H6PD: variants seen among roughly 807,000 people sequenced by gnomAD.
The protein encoded by H6PD is GDH/6PGL endoplasmic bifunctional protein.
In H6PD, 48 loss-of-function variants were observed where a neutral mutation model predicts 61.2. The observed-to-expected ratio is 0.78, with a 90% CI of 0.62 to 1.00. The LOEUF (loss-of-function observed/expected upper bound fraction) is 1.00. H6PD is among the 50% of genes least tolerant of loss of function. H6PD has a pLI of 0.00. For synonymous variants in H6PD, 480 were observed against 457.9 expected (o/e 1.05, Z -0.62); for missense variants, 1,093 against 1,065.0 (o/e 1.03, Z -0.37).
intron 3 of H6PD, among the ~76,000 whole-genome samples, chr1:9,260,241 A>ATGTCGTTACACCAGTGCTGTTATGT (rs1641678459): frequency 5.4e-5 from 8 of 146,924 alleles, no homozygotes; most frequent in Admixed American, 4.7e-4. Flanking sequence ...CGCCAGTGTT[A>ATGTCGTTACACCAGTGCTGTTATGT]TGTCGTTACA....
Position 9,263,702 on chromosome 1 carries a change from C to T in H6PD, c.1209C>T (p.Gly403=). ...CCCGGCAGCTCGTCTTCCACATCGG[C>T]CATGGCGACCTGGGCAGCCCTGCCG... is the stretch of plus-strand genomic sequence containing the variant. ...CLPRQLVFHI[G]HGDLGSPAVL... The change falls in exon 5 of 5, where the codon GGC becomes GGT. Residue 403 remains glycine, a synonymous_variant. Transcript: ENST00000377403. The T allele has an allele frequency of 6.2e-7, 1 of 1,614,026 alleles. No individual in the cohort carries two copies. The highest frequency in any genetic ancestry group is 8.5e-7 in the Non-Finnish European group (1 of 1,180,000).
intron 1 of H6PD, among the ~76,000 whole-genome samples, chr1:9,244,482 G>C (rs949356934): frequency 6.6e-6 from 1 of 152,166 alleles, no homozygotes; most frequent in Non-Finnish European, 1.5e-5. Context: ...AGGTGGTCCT[G>C]CCCTCTCACT....
chr1:9,266,402 T>G lies in H6PD; in HGVS notation c.*1533T>G, dbSNP rs1203676996. 1 of 152,256 alleles carries G rather than the reference T, an allele frequency of 6.6e-6. No individual in the cohort carries two copies. The highest frequency in any genetic ancestry group is 2.4e-5 in the African/African-American group (1 of 41,476). The allele number at this position is 152,256 out of a possible 1,614,324, so 9.4% of individuals were successfully genotyped here. ...TGGGGACTGTGATCTTGAGAAGCCA[T>G]GGGCCAGCAATACCTGCTTTTCTGA... On this transcript the variant is annotated 3_prime_UTR_variant, in exon 5 of 5. Coordinates refer to ENST00000377403, the MANE Select transcript of H6PD (RefSeq NM_004285.4).
rs1641145666 is a variant in H6PD at position 9,245,515 on chromosome 1, T to C, written c.581T>C (p.Phe194Ser). Reference sequence around the variant, plus strand: ...CTGGCCACAGAACTCGGGACCTTTTTCCAGGAGGAGGAGATGTACCGGGTG... The same window carrying C: ...CTGGCCACAGAACTCGGGACCTTTTCCCAGGAGGAGGAGATGTACCGGGTG... ...QQLATELGTF[F>S]QEEEMYRVDH... Residue 194 changes from phenylalanine (F) to serine (S), a missense_variant, in exon 2 of 5, where the codon TTC becomes TCC. By Grantham distance (155) the Phe-to-Ser change is radical (BLOSUM62 -2). Coordinates refer to ENST00000377403, the MANE Select transcript of H6PD (RefSeq NM_004285.4). This position sits in a 1 kb window ranked among gnomAD's most constrained non-coding sequence, Gnocchi z 4.8. 3.1e-6 allele frequency: 5 copies of C among 1,614,146 alleles called. No individual in the cohort carries two copies. The highest frequency in any genetic ancestry group is 1.6e-4 in the Middle Eastern group (1 of 6,062).
intron 3 of H6PD, among the ~76,000 whole-genome samples, chr1:9,251,656 C>G (rs1183241642): frequency 6.6e-6 from 1 of 152,076 alleles, no homozygotes; most frequent in Non-Finnish European, 1.5e-5. Context: ...CGCCTTCCAG[C>G]CTGGTGTGCC....
At chr1:9,247,161 CAG>C in intron 3 of H6PD, 78 bp downstream of exon 3, 2 of 986,006 alleles carry the variant, frequency 2.0e-6, no homozygotes, top group Non-Finnish European at 3.3e-6. Context: ...GGGCGCTTCT[CAG>C]AGGGAGGTTT....
chr1:9,261,250 C>T (rs1351949036), intron 3 of H6PD, among the ~76,000 whole-genome samples: 2 of 152,168 alleles, frequency 1.3e-5, no homozygotes, highest in East Asian at 1.9e-4. Flanking sequence ...CCAGCCTCTT[C>T]GCCTTATCCT....
At chr1:9,243,784 G>T (rs957641225) in intron 1 of H6PD, among the ~76,000 whole-genome samples, 1 of 151,236 alleles carries the variant, frequency 6.6e-6, no homozygotes, top group Admixed American at 6.6e-5. Context: ...CACTGGCCCA[G>T]ACACTGTTGT....
chr1:9,251,263 C>G (rs923878556), intron 3 of H6PD, among the ~76,000 whole-genome samples: 18 of 152,072 alleles, frequency 1.2e-4, no homozygotes, highest in Admixed American at 9.2e-4. Flanking sequence ...CCTTTTCTGT[C>G]GGGAGTGCTG....
Position 9,264,897 on chromosome 1 carries a change from C to T in H6PD, c.*28C>T, listed in dbSNP as rs1337175792. On this transcript the variant is annotated 3_prime_UTR_variant, in exon 5 of 5. Coordinates refer to ENST00000377403, the MANE Select transcript of H6PD (RefSeq NM_004285.4). ...GCGCCTGTGCCCCTTGCCCGCTTCGCTCCTGTGCTTTCCTTCGCCCGTGTC... is the reference window on the plus strand; with the variant it reads ...GCGCCTGTGCCCCTTGCCCGCTTCGTTCCTGTGCTTTCCTTCGCCCGTGTC... 2 of 1,608,578 alleles carry T rather than the reference C, an allele frequency of 1.2e-6. No homozygotes were observed. Among genetic ancestry groups the T allele is most frequent in the Non-Finnish European group, 1.7e-6 (2 of 1,179,572 alleles).
chr1:9,247,760 G>C (rs920168942), intron 3 of H6PD, among the ~76,000 whole-genome samples: 3 of 152,210 alleles, frequency 2.0e-5, no homozygotes, highest in African/African-American at 4.8e-5. Context: ...GCTGCCTTCA[G>C]CTGGGTGGCC....
chr1:9,237,315 G>C (rs1033463086), intron 1 of H6PD, among the ~76,000 whole-genome samples: 3 of 131,532 alleles, frequency 2.3e-5, no homozygotes, highest in African/African-American at 5.8e-5. Context: ...TCACTGCAAC[G>C]TTCGCCTCCT....
Position 9,269,811 on chromosome 1 carries a change from G to A in H6PD, c.*4942G>A, listed in dbSNP as rs1482076395. The A allele has an allele frequency of 6.6e-6, 1 of 152,296 alleles. No individual in the cohort carries two copies. Among genetic ancestry groups the A allele is most frequent in the Non-Finnish European group, 1.5e-5 (1 of 68,086 alleles). The allele number at this position is 152,296 out of a possible 1,614,324, so 9.4% of individuals were successfully genotyped here. A position where few individuals can be genotyped will look rare whatever the true frequency, so the allele number is the denominator to read the frequency against. On this transcript the variant is annotated 3_prime_UTR_variant, in exon 5 of 5. Transcript: ENST00000377403. This position sits in a 1 kb window ranked among gnomAD's most constrained non-coding sequence, Gnocchi z 4.3. ...AAGGCAGCAGGAACCCTGGGCAGCG[G>A]GTGTTCTGGGAAGGCTAGTGACAGC...
chr1:9,260,458 T>C (rs1041536221), intron 3 of H6PD, among the ~76,000 whole-genome samples: 11 of 152,096 alleles, frequency 7.2e-5, no homozygotes, highest in African/African-American at 2.2e-4. Context: ...GCTGGTGTTA[T>C]GTTGTTACAC....
At chr1:9,248,273 C>T (rs181114062) in intron 3 of H6PD, among the ~76,000 whole-genome samples, 1 of 152,336 alleles carries the variant, frequency 6.6e-6, no homozygotes, top group East Asian at 1.9e-4. Flanking sequence ...TTTCTCTCTC[C>T]CTTGCTCTTT....
At chr1:9,247,978 C>T (rs9435151) in intron 3 of H6PD, among the ~76,000 whole-genome samples, 73,470 of 152,192 alleles carry the variant, frequency 0.48, 19,166 homozygotes, top group African/African-American at 0.69. Flanking sequence ...GGCGCTGTTA[C>T]TAGCCTCCTT....
At position 9,269,648 on chromosome 1, in the gene H6PD, CTGT is replaced by C. The variant is rs1557431471; in HGVS notation, c.*4785_*4787del. The C allele has an allele frequency of 6.6e-6, 1 of 152,322 alleles. No homozygotes were observed. Among genetic ancestry groups the C allele is most frequent in the African/African-American group, 2.4e-5 (1 of 41,454 alleles). 9.4% of individuals were successfully genotyped at this position (152,322 alleles called of 1,614,324 possible). ...GCAGAGGGGGTGAGTTGGGCACTCC[CTGT>C]TGTTGGTTTTCCTTTTGCAGCACAC... On this transcript the variant is annotated 3_prime_UTR_variant, in exon 5 of 5. Coordinates refer to ENST00000377403, the MANE Select transcript of H6PD (RefSeq NM_004285.4). This position sits in a 1 kb window ranked among gnomAD's most constrained non-coding sequence, Gnocchi z 4.3.
rs3765958 is a variant in H6PD at position 9,252,820 on chromosome 1, C to A, written c.745+5737C>A. Among the ~76,000 whole-genome samples, 118 of 152,254 alleles carry A rather than the reference C, an allele frequency of 7.8e-4. No individual in the cohort carries two copies. In the East Asian group the frequency reaches 0.021, roughly 27 times the overall value. ...ACAGCTGGCGGGCACAGCCATGGCCCCCCTGCTTTGTCATCCTCTGACCTT... is the reference window on the plus strand; with the variant it reads ...ACAGCTGGCGGGCACAGCCATGGCCACCCTGCTTTGTCATCCTCTGACCTT... On this transcript the variant is annotated intron_variant, in intron 3 of 4. Transcript: ENST00000377403.
chr1:9,264,430 T>C lies in H6PD; in HGVS notation c.1937T>C (p.Ile646Thr). Residue 646 changes from isoleucine to threonine, a missense_variant, in exon 5 of 5, where the codon ATC becomes ACC. Transcript: ENST00000377403. Reference sequence around the variant, plus strand: ...GCCCACCTGCTGCAGCACGTCCGGATCCCCTACTACAACATCCACCCCATG... The same window carrying C: ...GCCCACCTGCTGCAGCACGTCCGGACCCCCTACTACAACATCCACCCCATG... ...LQAHLLQHVR[I>T]PYYNIHPMPV... The C allele has an allele frequency of 1.9e-6, 3 of 1,612,968 alleles. No individual in the cohort carries two copies. Among genetic ancestry groups the C allele is most frequent in the Non-Finnish European group, 2.5e-6 (3 of 1,179,864 alleles).
Sources: allele counts gnomAD v4.1 joint callset (sites outside exome capture counted in the v4.1 genomes callset), GRCh38; gene constraint gnomAD v4.1.1; non-coding constraint Gnocchi (gnomAD v3.1); transcripts MANE v1.5; gene names NCBI Gene and HGNC (gene_info 2026-07-23, HGNC 2026-07-21).